Variants in BRF1 observed in about 807,000 individuals in gnomAD.
The protein encoded by BRF1 is BRF1 general transcription factor IIIB subunit.
A neutral mutation model predicts 81.7 loss-of-function variants in BRF1; 59 were observed. The observed-to-expected ratio is 0.72, with a 90% CI of 0.59 to 0.90. BRF1 has a LOEUF of 0.90. BRF1 is among the 40% of genes least tolerant of loss of function. The probability of loss-of-function intolerance (pLI) is 0.00; values close to 1 mark genes in which losing one functional copy is unlikely to be tolerated. For synonymous variants in BRF1, 491 were observed against 395.6 expected (o/e 1.24, Z -2.86); for missense variants, 1,050 against 936.3 (o/e 1.12, Z -1.58).
At chr14:105,259,673 G>T (rs978584659) in intron 3 of BRF1, among the ~76,000 whole-genome samples, 3 of 152,190 alleles carry the variant, frequency 2.0e-5, no homozygotes, top group African/African-American at 4.8e-5. Context: ...ACCTTGGGAG[G>T]CCAAGGCGGG....
Position 105,209,883 on chromosome 14 carries a change from G to T in BRF1, c.*668C>A. 2.3e-6 allele frequency: 1 copy of T among 433,372 alleles called. No homozygotes were observed. The highest frequency in any genetic ancestry group is 4.1e-6 in the Non-Finnish European group (1 of 246,672). The allele number at this position is 433,372 out of a possible 1,614,324, so 26.8% of individuals were successfully genotyped here. Reference sequence around the variant, plus strand: ...CCTGGAGCAGGGGTCTGACCCCCATGCTGCTCCAGGCGGTGCAGGCAGCGG... The same window carrying T: ...CCTGGAGCAGGGGTCTGACCCCCATTCTGCTCCAGGCGGTGCAGGCAGCGG... On this transcript the variant is annotated 3_prime_UTR_variant, in exon 18 of 18. Transcript: ENST00000547530.
intron 2 of BRF1, among the ~76,000 whole-genome samples, chr14:105,279,667 CACCCAGACCTCAGG>C (rs1237701444): frequency 6.6e-6 from 1 of 152,192 alleles, no homozygotes; most frequent in African/African-American, 2.4e-5. Context: ...ATGATGAGCA[CACCCAGACCTCAGG>C]ACCCAGACAC....
At chr14:105,241,073 C>A (rs890140285) in intron 6 of BRF1, among the ~76,000 whole-genome samples, 192 bp downstream of exon 6, 2 of 152,240 alleles carry the variant, frequency 1.3e-5, no homozygotes, top group Non-Finnish European at 2.9e-5. Context: ...CACGCAGAGG[C>A]CAACGGGGCA....
rs2058514286 is a variant in BRF1 at position 105,315,124 on chromosome 14, C to T, written c.-162+198G>A. Reference sequence around the variant, plus strand: ...GCCTCTGCGCGCCCCATCCCCGGCCCGGGTCCCCCAGCGGAGCCCAGGTCG... The same window carrying T: ...GCCTCTGCGCGCCCCATCCCCGGCCTGGGTCCCCCAGCGGAGCCCAGGTCG... On this transcript the variant is annotated intron_variant, in intron 1 of 17. Transcript: ENST00000327359. This position sits in a 1 kb window ranked among gnomAD's most constrained non-coding sequence, Gnocchi z 4.4. 1.2e-6 allele frequency: 1 copy of T among 848,142 alleles called. No homozygotes were observed. The highest frequency in any genetic ancestry group is 5.2e-5 in the South Asian group (1 of 19,110). 52.5% of individuals were successfully genotyped at this position (848,142 alleles called of 1,614,324 possible). A position where few individuals can be genotyped will look rare whatever the true frequency, so the allele number is the denominator to read the frequency against.
chr14:105,273,043 C>A (rs1057145527), intron 2 of BRF1, 149 bp from the exon 3 acceptor site: 21 of 907,424 alleles, frequency 2.3e-5, no homozygotes, highest in Non-Finnish European at 3.3e-5. Flanking sequence ...GTTCCAATCA[C>A]TTTTTATTTA....
At chr14:105,278,418 G>C (rs2056932525) in intron 2 of BRF1, among the ~76,000 whole-genome samples, 1 of 147,996 alleles carries the variant, frequency 6.8e-6, no homozygotes, top group Non-Finnish European at 1.5e-5. Context: ...GGCAGCAAGA[G>C]AGCGAGACCC....
intron 1 of BRF1, among the ~76,000 whole-genome samples, chr14:105,290,191 G>A (rs1017220602): frequency 7.2e-5 from 11 of 152,100 alleles, no homozygotes; most frequent in African/African-American, 2.7e-4. Context: ...AGGCCGATGC[G>A]GTTGGATCAC....
Position 105,286,353 on chromosome 14 carries a change from C to T in BRF1, c.208G>A (p.Gly70Ser). The T allele has an allele frequency of 6.2e-7, 1 of 1,613,556 alleles. No homozygotes were observed. Among genetic ancestry groups the T allele is most frequent in the Non-Finnish European group, 8.5e-7 (1 of 1,179,838 alleles). The change falls in exon 2 of 18, where the codon GGT becomes AGT. Residue 70 changes from glycine (G) to serine (S), a missense_variant. This residue lies in a region of BRF1 where 1,043 missense variants were observed against 915.4 expected (regional missense o/e 1.14). Coordinates refer to ENST00000547530, the MANE Select transcript of BRF1 (RefSeq NM_001519.4). ...CCCAGATTCACGTGGAAGCCGCCAC[C>T]CAGAGTCGGGGTTTTGCCAGCACCT... Reference protein sequence around the residue: ...LDGAGKTPTLGGGFHVNLGKE... With the variant: ...LDGAGKTPTLSGGFHVNLGKE...
At chr14:105,246,848 G>A (rs977595583) in intron 5 of BRF1, 3 of 985,410 alleles carry the variant, frequency 3.0e-6, no homozygotes, top group Non-Finnish European at 3.6e-6. Flanking sequence ...CCACCATGCA[G>A]ATCAAGACGC....
At chr14:105,215,641 GACACAGGCACACACACACTGCAT>G (rs1566797041) in intron 15 of BRF1, among the ~76,000 whole-genome samples, 1 of 135,054 alleles carries the variant, frequency 7.4e-6, no homozygotes, top group East Asian at 2.3e-4. Context: ...TGCATACACA[GACACAGGCACACACACACTGCAT>G]ACACAGGCAC....
At position 105,219,152 on chromosome 14, in the gene BRF1, CCT is replaced by C. The variant is rs778434804; in HGVS notation, c.1456_1457del (p.Arg486GlyfsTer55). 8 of 1,612,280 alleles carry C rather than the reference CCT, an allele frequency of 5.0e-6. No homozygotes were observed. The highest frequency in any genetic ancestry group is 1.7e-5 in the Admixed American group (1 of 59,982). On this transcript the variant is annotated frameshift_variant and splice_region_variant, in exon 13 of 18. Coordinates refer to ENST00000547530, the MANE Select transcript of BRF1 (RefSeq NM_001519.4). LOFTEE classifies it high-confidence loss of function. ...TGAGTGTGGGCGGGTGGCGCTTACC[CCT>C]CTGTTCCCGCAGGTACTCGGCGTTC... ...RENAEYLREQ[R>X]EKEARIAKEK...
At chr14:105,250,243 T>G in intron 5 of BRF1, 1 of 1,613,058 alleles carries the variant, frequency 6.2e-7, no homozygotes, top group Non-Finnish European at 8.5e-7. Flanking sequence ...GATTCCAGTC[T>G]TCTGCCTACC....
intron 5 of BRF1, among the ~76,000 whole-genome samples, chr14:105,244,162 C>T (rs956716005): frequency 6.6e-6 from 1 of 151,298 alleles, no homozygotes; most frequent in African/African-American, 2.4e-5. Context: ...AAATCTGGGG[C>T]CGGATGCAGT....
Position 105,228,806 on chromosome 14 carries a change from T to TGAG in BRF1, c.788+11_788+13dup. The TGAG allele has an allele frequency of 6.2e-7, 1 of 1,613,154 alleles. No homozygotes were observed. The highest frequency in any genetic ancestry group is 1.3e-5 in the African/African-American group (1 of 75,048). ...CTCTGTGTGGTCCCCATGCCATGAA[T>TGAG]GAGAGCCCCTCACCTCTTCCGCAGC... On this transcript the variant is annotated intron_variant, in intron 7 of 17. Coordinates refer to ENST00000547530, the MANE Select transcript of BRF1 (RefSeq NM_001519.4).
chr14:105,247,482 G>C, intron 5 of BRF1: 1 of 985,364 alleles, frequency 1.0e-6, no homozygotes, highest in African/African-American at 1.7e-5. Context: ...TTTCCTTCCT[G>C]ACTTGTAGTT....
rs2056587367 is a variant in BRF1, at chr14:105,269,887, C to T, written c.439+2834G>A. ...AGTCCCCACACAGCTCCTACAAACA[C>T]AAGGGAGGCAGGGCCATGGGCTGAC... On this transcript the variant is annotated intron_variant, in intron 3 of 17. Coordinates refer to ENST00000547530, the MANE Select transcript of BRF1 (RefSeq NM_001519.4). This position sits in a 1 kb window ranked among gnomAD's most constrained non-coding sequence, Gnocchi z 5.0. 6.6e-6 allele frequency among the ~76,000 whole-genome samples: 1 copy of T among 152,204 alleles called. No individual in the cohort carries two copies. The highest frequency in any genetic ancestry group is 2.1e-4 in the South Asian group (1 of 4,828).
At position 105,271,518 on chromosome 14, in the gene BRF1, C is replaced by T. The variant is rs930744579; in HGVS notation, c.439+1203G>A. On this transcript the variant is annotated intron_variant, in intron 3 of 17. Transcript: ENST00000547530. This position sits in a 1 kb window ranked among gnomAD's most constrained non-coding sequence, Gnocchi z 5.5. ...GGACCACCTTCAGAGGGGCGCAGCT[C>T]GGAAAAGGTCCCTCTCCCAGGGAGC... 3.3e-5 allele frequency among the ~76,000 whole-genome samples: 5 copies of T among 152,148 alleles called. No individual in the cohort carries two copies. Among genetic ancestry groups the T allele is most frequent in the East Asian group, 1.9e-4 (1 of 5,198 alleles).
Position 105,241,261 on chromosome 14 carries a change from G to T in BRF1, c.694+4C>A, listed in dbSNP as rs199994988. The T allele has an allele frequency of 1.3e-4, 204 of 1,610,738 alleles. No individual in the cohort carries two copies. The highest frequency in any genetic ancestry group is 1.6e-4 in the Non-Finnish European group (184 of 1,179,680). ...ATCCCCCAGGCAGGCAGGGCCCGCTGTACCTGCTCCGCAGAGGCCCGAGGG... is the reference window on the plus strand; with the variant it reads ...ATCCCCCAGGCAGGCAGGGCCCGCTTTACCTGCTCCGCAGAGGCCCGAGGG... On this transcript the variant is annotated splice_donor_region_variant and intron_variant, in intron 6 of 17. Coordinates refer to ENST00000547530, the MANE Select transcript of BRF1 (RefSeq NM_001519.4).
At chr14:105,219,861 T>C (rs1891981268) in intron 12 of BRF1, 4 of 609,616 alleles carry the variant, frequency 6.6e-6, no homozygotes, top group Non-Finnish European at 2.9e-6. Context: ...CAGGGGCCTC[T>C]CGACAGGCCG....
Sources: allele counts gnomAD v4.1 joint callset (sites outside exome capture counted in the v4.1 genomes callset), GRCh38; gene constraint gnomAD v4.1.1; regional missense constraint gnomAD v4.1.1; non-coding constraint Gnocchi (gnomAD v3.1); transcripts MANE v1.5; gene names NCBI Gene and HGNC (gene_info 2026-07-23, HGNC 2026-07-21).